BEND3: variants seen among roughly 807,000 people sequenced by gnomAD.
BEND3 encodes the protein BEN domain containing 3, also known as BEN domain-containing protein 3.
Under a neutral mutation model 60.1 loss-of-function variants are expected in BEND3, and 13 were observed. The observed-to-expected ratio is 0.22, with a 90% CI of 0.14 to 0.34. The LOEUF (loss-of-function observed/expected upper bound fraction) is 0.34, where lower values mean the gene tolerates loss of function less well. Ranked by LOEUF, BEND3 falls within the 10% of genes least tolerant of loss-of-function variation. The probability of loss-of-function intolerance (pLI) is 1.00; values close to 1 mark genes in which losing one functional copy is unlikely to be tolerated. For missense variants in BEND3, 896 were observed against 1,138.1 expected (o/e 0.79, Z 3.06); for synonymous variants, 497 against 491.5 (o/e 1.01, Z -0.15).
intron 3 of BEND3, among the ~76,000 whole-genome samples, chr6:107,091,598 C>G (rs1775475739): frequency 6.6e-6 from 1 of 152,058 alleles, no homozygotes; most frequent in Non-Finnish European, 1.5e-5. Flanking sequence ...TCTTCTAGAA[C>G]TCATGGAAGA....
rs554971471 is a variant in BEND3, at chr6:107,097,378, A to G, written c.240+1173T>C. On this transcript the variant is annotated intron_variant, in intron 3 of 3. Transcript: ENST00000369042. Reference sequence around the variant, plus strand: ...GTGAAACTCTGTCTCAAAGATGAAAAAAAAAAAATTAAAGCCCAAATAAAT... The same window carrying G: ...GTGAAACTCTGTCTCAAAGATGAAAGAAAAAAAATTAAAGCCCAAATAAAT... 6.6e-4 allele frequency among the ~76,000 whole-genome samples: 101 copies of G among 152,102 alleles called. 1 individual carries two copies. Among genetic ancestry groups the G allele is most frequent in the Admixed American group, 1.3e-3 (20 of 15,264 alleles).
intron 3 of BEND3, among the ~76,000 whole-genome samples, chr6:107,077,727 G>A (rs1340705787): frequency 1.3e-5 from 2 of 152,180 alleles, no homozygotes; most frequent in Admixed American, 6.5e-5. Context: ...TCGGAATCAC[G>A]CAGGCTTGGT....
chr6:107,092,528 T>A (rs1340548572), intron 3 of BEND3, among the ~76,000 whole-genome samples: 1 of 152,188 alleles, frequency 6.6e-6, no homozygotes, highest in African/African-American at 2.4e-5. Flanking sequence ...TTGTACTTAA[T>A]GGTGAGAAAT....
At chr6:107,089,107 CA>C (rs371023415) in intron 3 of BEND3, among the ~76,000 whole-genome samples, 224 of 150,718 alleles carry the variant, frequency 1.5e-3, no homozygotes, top group African/African-American at 5.2e-3. Context: ...CATTGCACTC[CA>C]GCCTGGGCAA....
At chr6:107,074,351 G>T (rs1775054625) in intron 3 of BEND3, among the ~76,000 whole-genome samples, 1 of 152,130 alleles carries the variant, frequency 6.6e-6, no homozygotes, top group African/African-American at 2.4e-5. Flanking sequence ...GGAGGCGGAG[G>T]TTGCAGTGAG....
At chr6:107,098,054 A>G (rs1775624713) in intron 3 of BEND3, among the ~76,000 whole-genome samples, 1 of 152,106 alleles carries the variant, frequency 6.6e-6, no homozygotes, top group South Asian at 2.1e-4. Context: ...TCACGCCTGT[A>G]ATCCCAGCAC....
At chr6:107,075,234 A>ATAAAT (rs1388259407) in intron 3 of BEND3, among the ~76,000 whole-genome samples, 1 of 152,038 alleles carries the variant, frequency 6.6e-6, no homozygotes, top group Non-Finnish European at 1.5e-5. Context: ...TCAAAAATAA[A>ATAAAT]TAAATAAATA....
chr6:107,088,952 C>A (rs544633173), intron 3 of BEND3, among the ~76,000 whole-genome samples: 1 of 152,192 alleles, frequency 6.6e-6, no homozygotes, highest in African/African-American at 2.4e-5. Context: ...TGGAGACCAG[C>A]CTGGTCAACA....
chr6:107,108,420 G>T (rs943384508), intron 1 of BEND3, among the ~76,000 whole-genome samples: 1 of 152,210 alleles, frequency 6.6e-6, no homozygotes, highest in South Asian at 2.1e-4. Context: ...GGCTCAAGGT[G>T]GAAGGAGGGA....
intron 3 of BEND3, among the ~76,000 whole-genome samples, chr6:107,080,371 A>C (rs2442053): frequency 0.29 from 34,234 of 117,274 alleles, 3,688 homozygotes; most frequent in East Asian, 0.35. Context: ...AAAAAAAAAA[A>C]AAAAAACAAA....
chr6:107,090,809 G>A (rs1231281499), intron 3 of BEND3, among the ~76,000 whole-genome samples: 1 of 151,942 alleles, frequency 6.6e-6, no homozygotes, highest in Non-Finnish European at 1.5e-5. Context: ...TAATTAACAT[G>A]CTAAAAAAAG....
rs782461575 is a variant in BEND3, at chr6:107,069,922, G to A, written c.1269C>T (p.Phe423=). 4.4e-5 allele frequency: 71 copies of A among 1,613,830 alleles called. No individual in the cohort carries two copies. Among genetic ancestry groups the A allele is most frequent in the Non-Finnish European group, 5.6e-5 (66 of 1,180,040 alleles). ...ACTGTTCACCCAGCTTGCGGTGGTC[G>A]AAGAGCTCGGGGAAGAGCCGGTGGA... The part of the protein sequence containing the change: ...FLLHRLFPEL[F]DHRKLGEQYS... The change falls in exon 4 of 4, where the codon TTC becomes TTT. Residue 423 remains phenylalanine, a synonymous_variant. Transcript: ENST00000369042.
At position 107,066,456 on chromosome 6, in the gene BEND3, A is replaced by G. The variant is rs1554230850; in HGVS notation, c.*2248T>C. 3 of 152,670 alleles carry G rather than the reference A, an allele frequency of 2.0e-5. No individual in the cohort carries two copies. 9.5% of individuals were successfully genotyped at this position (152,670 alleles called of 1,614,324 possible). A position where few individuals can be genotyped will look rare whatever the true frequency, so the allele number is the denominator to read the frequency against. On this transcript the variant is annotated 3_prime_UTR_variant, in exon 4 of 4. Transcript: ENST00000369042. Reference sequence around the variant, plus strand: ...ATGTAAGGTATTAAGAAAATCACTGAAATACGGTTTCCAAAAATTGAACAT... The same window carrying G: ...ATGTAAGGTATTAAGAAAATCACTGGAATACGGTTTCCAAAAATTGAACAT...
At chr6:107,112,454 C>T (rs2115042949) in intron 1 of BEND3, among the ~76,000 whole-genome samples, 1 of 152,270 alleles carries the variant, frequency 6.6e-6, no homozygotes, top group South Asian at 2.1e-4. Context: ...CAGTTCCTAA[C>T]CAGCCTATCG....
intron 3 of BEND3, among the ~76,000 whole-genome samples, chr6:107,095,860 A>C (rs9386609): frequency 0.36 from 54,510 of 152,102 alleles, 10,596 homozygotes; most frequent in Non-Finnish European, 0.44. Flanking sequence ...GGAGATGGTA[A>C]AGAGATCAGT....
intron 3 of BEND3, among the ~76,000 whole-genome samples, chr6:107,092,347 C>T (rs1056274535): frequency 1.3e-5 from 2 of 152,078 alleles, no homozygotes; most frequent in Non-Finnish European, 2.9e-5. Flanking sequence ...TAATGAAATC[C>T]ACCACAGCAA....
intron 3 of BEND3, among the ~76,000 whole-genome samples, chr6:107,078,556 G>C (rs1554233047): frequency 2.1e-5 from 3 of 145,842 alleles, no homozygotes; most frequent in Non-Finnish European, 3.0e-5. Flanking sequence ...CTGGGTTCAT[G>C]CCATTCTCCT....
At chr6:107,097,459 G>GAA (rs58493728) in intron 3 of BEND3, among the ~76,000 whole-genome samples, 4 of 146,178 alleles carry the variant, frequency 2.7e-5, no homozygotes, top group Non-Finnish European at 4.5e-5. Flanking sequence ...TAAAGAGTTA[G>GAA]AAAAAAAAAA....
At chr6:107,103,259 A>G (rs535987800) in intron 1 of BEND3, among the ~76,000 whole-genome samples, 24 of 152,316 alleles carry the variant, frequency 1.6e-4, no homozygotes, top group Admixed American at 1.4e-3. Flanking sequence ...GGGGATGGGG[A>G]GCACACTGCT....
Sources: gnomAD v4.1 joint callset for allele counts (sites outside exome capture counted in the v4.1 genomes callset) on GRCh38, gnomAD v4.1.1 for gene constraint, MANE v1.5 for transcripts, NCBI Gene and HGNC (gene_info 2026-07-23, HGNC 2026-07-21) for gene names.